The following DEAF1 variants were observed in gnomAD, a reference collection of about 807,000 sequenced individuals.
DEAF1 encodes the protein DEAF1 transcription factor.
A neutral mutation model predicts 58.9 loss-of-function variants in DEAF1; 53 were observed. The observed-to-expected ratio is 0.90, with a 90% confidence interval of 0.72 to 1.13. DEAF1 has a LOEUF of 1.13. DEAF1 is among the 50% of genes most tolerant of loss of function. The probability of loss-of-function intolerance (pLI) is 0.00; values close to 1 mark genes in which losing one functional copy is unlikely to be tolerated. For synonymous variants in DEAF1, 385 were observed against 340.4 expected (o/e 1.13, Z -1.44); for missense variants, 685 against 791.4 (o/e 0.87, Z 1.61).
intron 10 of DEAF1, among the ~76,000 whole-genome samples, chr11:670,977 G>A (rs1403476439): frequency 4.0e-5 from 5 of 123,640 alleles, no homozygotes; most frequent in South Asian, 2.7e-4. Flanking sequence ...CACCCAGGCT[G>A]GAGTGCAGTG....
chr11:694,657 A>G (rs1861021866), intron 1 of DEAF1, 102 bp downstream of exon 1: 2 of 1,072,094 alleles, frequency 1.9e-6, no homozygotes, highest in South Asian at 2.9e-5. Context: ...GGTGTGAGGG[A>G]CAGGTGTGGC....
In DEAF1 at chr11:694,847, C is replaced by T. The variant is rs776431081; in HGVS notation, c.201G>A (p.Ala67=). Reference sequence around the variant, plus strand: ...TGTGCCCGGGCTCCGCCGCCATCACCGCCACTGCCGTGACCCGCGGCGTCT... The same window carrying T: ...TGTGCCCGGGCTCCGCCGCCATCACTGCCACTGCCGTGACCCGCGGCGTCT... The part of the protein sequence containing the change: ...ERETPRVTAV[A]VMAAEPGHMD... Residue 67 remains alanine (A), a synonymous_variant, in exon 1 of 12, where the codon GCG becomes GCA. Transcript: ENST00000382409. 6.1e-6 allele frequency: 9 copies of T among 1,482,956 alleles called. No homozygotes were observed. In the East Asian group the frequency reaches 8.6e-5, roughly 14 times the overall value. 91.9% of individuals were successfully genotyped at this position (1,482,956 alleles called of 1,614,324 possible).
intron 10 of DEAF1, among the ~76,000 whole-genome samples, chr11:657,788 A>G (rs1859129344): frequency 6.6e-6 from 1 of 152,136 alleles, no homozygotes. Context: ...CACCTGGACA[A>G]ACTGCCTGGC....
intron 10 of DEAF1, 93 bp downstream of exon 10, chr11:674,443 G>A: frequency 6.4e-7 from 1 of 1,572,848 alleles, no homozygotes; most frequent in Non-Finnish European, 8.7e-7. Context: ...GGCCTTGTGA[G>A]CCAAGGTGGG....
Position 695,036 on chromosome 11 carries a change from C to T in DEAF1, c.12G>A (p.Ser4=). The change falls in exon 1 of 12, where the codon TCG becomes TCA. Residue 4 remains serine (S), a synonymous_variant. Coordinates refer to ENST00000382409, the MANE Select transcript of DEAF1 (RefSeq NM_021008.4). The part of the protein sequence containing the change: MED[S]DSAAKQLGLA... ...GGCCCAGCTGCTTTGCCGCCGAGTC[C>T]GAGTCCTCCATCCGGACTCCGCCGA... 7.0e-7 allele frequency: 1 copy of T among 1,429,458 alleles called. No homozygotes were observed. The highest frequency in any genetic ancestry group is 1.5e-5 in the African/African-American group (1 of 66,764). 88.5% of individuals were successfully genotyped at this position (1,429,458 alleles called of 1,614,324 possible). A position where few individuals can be genotyped will look rare whatever the true frequency, so the allele number is the denominator to read the frequency against.
chr11:698,283 C>T (rs1459447688), upstream of DEAF1, among the ~76,000 whole-genome samples: 2 of 151,540 alleles, frequency 1.3e-5, no homozygotes, highest in East Asian at 1.9e-4. Context: ...ACTCACTCCT[C>T]GGGCTTCCTG....
At chr11:661,212 A>G (rs1859304918) in intron 10 of DEAF1, among the ~76,000 whole-genome samples, 3 of 152,182 alleles carry the variant, frequency 2.0e-5, no homozygotes, top group Admixed American at 2.0e-4. Context: ...GGGCCAGGGC[A>G]GTGAGTCCAA....
intron 6 of DEAF1, among the ~76,000 whole-genome samples, chr11:684,594 C>T (rs188352110): frequency 2.1e-4 from 32 of 152,216 alleles, no homozygotes; most frequent in Admixed American, 2.0e-3. Context: ...CAAGGAAAAG[C>T]GTGTATGTTT....
At chr11:645,072 A>T (rs1858422984) in intron 11 of DEAF1, among the ~76,000 whole-genome samples, 1 of 150,960 alleles carries the variant, frequency 6.6e-6, no homozygotes, top group African/African-American at 2.4e-5. Flanking sequence ...CTGAGGCAGG[A>T]GAACTGCTCA....
intron 4 of DEAF1, among the ~76,000 whole-genome samples, chr11:687,699 G>A (rs7481651): frequency 0.97 from 148,338 of 152,214 alleles, 72,397 homozygotes; most frequent in East Asian, 1. Context: ...GGTTTTCATC[G>A]TGTTAGCCAG....
intron 6 of DEAF1, 60 bp from the exon 7 acceptor site, chr11:681,149 C>T: frequency 3.1e-6 from 5 of 1,611,400 alleles, no homozygotes; most frequent in Middle Eastern, 2.1e-4. Context: ...GCTGCGCTTG[C>T]AACTCCTCCT....
intron 1 of DEAF1, among the ~76,000 whole-genome samples, chr11:702,161 G>C (rs1480071345): frequency 2.0e-5 from 3 of 152,206 alleles, no homozygotes; most frequent in African/African-American, 7.2e-5. Context: ...TTGTTATCAG[G>C]CCTCAGACAC....
chr11:648,143 A>G (rs1011579389), intron 11 of DEAF1, among the ~76,000 whole-genome samples: 1 of 151,032 alleles, frequency 6.6e-6, no homozygotes, highest in Non-Finnish European at 1.5e-5. Flanking sequence ...ACTCGTGTAT[A>G]CTTTTGTGTA....
intron 1 of DEAF1, among the ~76,000 whole-genome samples, chr11:693,210 T>C (rs1440855869): frequency 6.6e-6 from 1 of 152,224 alleles, no homozygotes; most frequent in Non-Finnish European, 1.5e-5. Flanking sequence ...CATTTTTCTT[T>C]TATGCATTCA....
At chr11:653,800 G>C in intron 11 of DEAF1, 162 bp downstream of exon 11, 1 of 695,378 alleles carries the variant, frequency 1.4e-6, no homozygotes, top group South Asian at 1.6e-5. Context: ...GCCTTCTGCA[G>C]GGTCTTCACG....
In DEAF1 at chr11:687,894, G is replaced by C. The variant is rs752964249; in HGVS notation, c.664+17C>G. On this transcript the variant is annotated intron_variant, in intron 4 of 11. Transcript: ENST00000382409. Reference sequence around the variant, plus strand: ...AAAGGGGAATACAACTTTGGAGTCTGAAGTGGCAGTCCTCACCTGAGCCGA... The same window carrying C: ...AAAGGGGAATACAACTTTGGAGTCTCAAGTGGCAGTCCTCACCTGAGCCGA... The C allele has an allele frequency of 2.8e-5, 45 of 1,613,920 alleles. No individual in the cohort carries two copies. In the South Asian group the frequency reaches 4.3e-4, roughly 15 times the overall value.
intron 10 of DEAF1, among the ~76,000 whole-genome samples, chr11:658,738 A>C (rs925024374): frequency 1.3e-5 from 2 of 152,234 alleles, no homozygotes; most frequent in Non-Finnish European, 1.5e-5. Context: ...GTCCCGCCCA[A>C]GCAGCGGGTC....
intron 6 of DEAF1, among the ~76,000 whole-genome samples, chr11:683,539 C>T (rs913325209): frequency 2.6e-5 from 4 of 150,956 alleles, no homozygotes; most frequent in African/African-American, 4.8e-5. Flanking sequence ...AATGTGATTC[C>T]ACCCATTTTA....
At chr11:674,887 G>C (rs1859988505) in intron 9 of DEAF1, 104 bp from the exon 10 acceptor site, 11 of 1,505,668 alleles carry the variant, frequency 7.3e-6, no homozygotes, top group Non-Finnish European at 9.9e-6. Context: ...GCTCACGCCT[G>C]TAATCCCAGC....
Sources: allele counts gnomAD v4.1 joint callset (sites outside exome capture counted in the v4.1 genomes callset), GRCh38; gene constraint gnomAD v4.1.1; transcripts MANE v1.5; gene names NCBI Gene and HGNC (gene_info 2026-07-23, HGNC 2026-07-21).